Variants in STK33 observed in about 807,000 individuals in gnomAD.
STK33 encodes the protein serine/threonine-protein kinase 33.
STK33 carries 52 observed loss-of-function variants against 58.0 expected under a neutral mutation model. The ratio of observed to expected loss-of-function variants is 0.90; its 90% CI spans 0.72 to 1.13. The LOEUF (loss-of-function observed/expected upper bound fraction) is 1.13. STK33 is among the 50% of genes most tolerant of loss of function. The pLI is 0.00. For missense variants in STK33, 630 were observed against 604.2 expected, an observed-to-expected ratio of 1.04 and a Z score of -0.45; for synonymous variants, 215 against 200.1, an observed-to-expected ratio of 1.07 and a Z score of -0.63.
At chr11:8,382,538 G>A in the STK33 span, among the ~76,000 whole-genome samples, 3 of 152,230 alleles carry the variant, frequency 2.0e-5, no homozygotes, top group East Asian at 5.8e-4. Flanking sequence ...AGGGCTCAGA[G>A]CCATTCCATT....
intron 14 of STK33, among the ~76,000 whole-genome samples, chr11:8,424,191 T>A (rs911702747): frequency 9.2e-4 from 127 of 137,480 alleles, no homozygotes; most frequent in African/African-American, 3.0e-3. Context: ...TCCTGTGTCC[T>A]AGTGTTCTCA....
At chr11:8,448,882 C>T (rs1945879200) in intron 11 of STK33, among the ~76,000 whole-genome samples, 1 of 147,902 alleles carries the variant, frequency 6.8e-6, no homozygotes, top group African/African-American at 2.7e-5. Context: ...GCAATCTACT[C>T]ATCTGACAAA....
At position 8,413,705 on chromosome 11, in the gene STK33, A is replaced by G. The variant is rs769773362; in HGVS notation, c.1147-13T>C. On this transcript the variant is annotated splice_polypyrimidine_tract_variant and intron_variant, in intron 14 of 15. Transcript: ENST00000687296. ...AAAGTTTATTGCCCTAATATTAACA[A>G]TCAATTTTTGGTGTTATAAACAACT... 24 of 1,610,054 alleles carry G rather than the reference A, an allele frequency of 1.5e-5. No individual in the cohort carries two copies. Among genetic ancestry groups the G allele is most frequent in the Non-Finnish European group, 2.0e-5 (23 of 1,178,242 alleles).
At chr11:8,569,481 A>G (rs1158954696) in intron 1 of STK33, among the ~76,000 whole-genome samples, 5 of 152,218 alleles carry the variant, frequency 3.3e-5, no homozygotes, top group African/African-American at 1.2e-4. Flanking sequence ...TAGATCATAC[A>G]CACAAATGCA....
intron 1 of STK33, among the ~76,000 whole-genome samples, chr11:8,586,846 A>G (rs1008332630): frequency 3.4e-4 from 51 of 151,256 alleles, no homozygotes; most frequent in Non-Finnish European, 6.1e-4. Flanking sequence ...AAAAAAAAAA[A>G]AAAATTATTA....
chr11:8,335,837 T>C, the STK33 span, among the ~76,000 whole-genome samples: 2 of 152,230 alleles, frequency 1.3e-5, no homozygotes, highest in Non-Finnish European at 2.9e-5. Flanking sequence ...CACAGAAATC[T>C]AGCGTGTATT....
At chr11:8,482,943 G>C (rs1229367365) in intron 1 of STK33, among the ~76,000 whole-genome samples, 2 of 151,900 alleles carry the variant, frequency 1.3e-5, no homozygotes, top group African/African-American at 4.8e-5. Flanking sequence ...ATGTTAGCCA[G>C]GATGGTTTCG....
chr11:8,558,182 G>A (rs1372558010), intron 1 of STK33, among the ~76,000 whole-genome samples: 1 of 152,110 alleles, frequency 6.6e-6, no homozygotes, highest in Non-Finnish European at 1.5e-5. Flanking sequence ...TTGTTTGCAG[G>A]GAGCTGTTTA....
the STK33 span, among the ~76,000 whole-genome samples, chr11:8,370,377 G>T: frequency 6.6e-6 from 1 of 152,024 alleles, no homozygotes; most frequent in Non-Finnish European, 1.5e-5. Context: ...TCTTAATTTT[G>T]TGTAGAGATG....
chr11:8,443,971 C>A (rs930531476), intron 11 of STK33, among the ~76,000 whole-genome samples: 2 of 152,132 alleles, frequency 1.3e-5, no homozygotes, highest in Non-Finnish European at 2.9e-5. Context: ...TGCACCACTG[C>A]ACTCCAGCCT....
intron 1 of STK33, among the ~76,000 whole-genome samples, chr11:8,519,165 C>T (rs536000683): frequency 3.7e-4 from 57 of 152,278 alleles, no homozygotes; most frequent in African/African-American, 1.3e-3. Flanking sequence ...TGCAAACAAA[C>T]TAGAACTCAG....
At chr11:8,497,335 G>A (rs1951140372) in intron 1 of STK33, among the ~76,000 whole-genome samples, 1 of 152,100 alleles carries the variant, frequency 6.6e-6, no homozygotes, top group South Asian at 2.1e-4. Flanking sequence ...AAATCAAAGA[G>A]AACCTTGAAA....
chr11:8,544,683 C>G (rs1955782894), intron 1 of STK33, among the ~76,000 whole-genome samples: 1 of 152,030 alleles, frequency 6.6e-6, no homozygotes. Context: ...AATTCCCAAA[C>G]TATTTCCCTT....
At chr11:8,585,547 C>A (rs1017550645) in intron 1 of STK33, among the ~76,000 whole-genome samples, 1 of 151,688 alleles carries the variant, frequency 6.6e-6, no homozygotes, top group East Asian at 1.9e-4. Context: ...TTTAAGCTAG[C>A]GTTAGAAGAA....
chr11:8,375,313 C>T, the STK33 span, among the ~76,000 whole-genome samples: 9 of 152,184 alleles, frequency 5.9e-5, no homozygotes, highest in African/African-American at 2.2e-4. Flanking sequence ...TTAAGGCAGG[C>T]ATCCATATGG....
chr11:8,402,689 G>A (rs1178199192), intron 15 of STK33, among the ~76,000 whole-genome samples: 9 of 152,140 alleles, frequency 5.9e-5, no homozygotes, highest in East Asian at 1.9e-4. Context: ...AACAGGACAC[G>A]GATGCTGAAT....
At chr11:8,524,348 GA>G (rs1291659282) in intron 1 of STK33, among the ~76,000 whole-genome samples, 2 of 151,170 alleles carry the variant, frequency 1.3e-5, no homozygotes, top group Non-Finnish European at 3.0e-5. Flanking sequence ...TAAAAAACGG[GA>G]AAAAATATTT....
intron 6 of STK33, among the ~76,000 whole-genome samples, chr11:8,470,891 A>C (rs1205644890): frequency 6.6e-6 from 1 of 152,226 alleles, no homozygotes; most frequent in Non-Finnish European, 1.5e-5. Flanking sequence ...CAACAGATAT[A>C]ATAATGAAGA....
the STK33 span, among the ~76,000 whole-genome samples, chr11:8,375,841 G>T: frequency 1.3e-5 from 2 of 152,178 alleles, no homozygotes; most frequent in Non-Finnish European, 2.9e-5. Flanking sequence ...CTCCAGCCAT[G>T]TGGAACTGTG....
Sources: gnomAD v4.1 joint callset for allele counts (sites outside exome capture counted in the v4.1 genomes callset) on GRCh38, gnomAD v4.1.1 for gene constraint, MANE v1.5 for transcripts, NCBI Gene and HGNC (gene_info 2026-07-23, HGNC 2026-07-21) for gene names.